Variants in ATP7A observed in about 807,000 individuals in gnomAD.
ATP7A encodes the protein ATPase copper transporting alpha.
A neutral mutation model predicts 83.5 loss-of-function variants in ATP7A; 7 were observed. That is an observed-to-expected ratio of 0.08 (90% CI 0.05 to 0.16). The LOEUF (loss-of-function observed/expected upper bound fraction) is 0.16, where lower values mean the gene tolerates loss of function less well. Among genes scored for constraint, ATP7A ranks in the 10% least tolerant of loss-of-function variants. The pLI is 1.00. For missense variants in ATP7A, 940 were observed against 1,120.8 expected, an observed-to-expected ratio of 0.84 and a Z score of 2.30; for synonymous variants, 354 against 395.2, an observed-to-expected ratio of 0.90 and a Z score of 1.24.
chrX:78,006,007 A>G (rs2077773289), intron 6 of ATP7A, among the ~76,000 whole-genome samples: 1 of 112,261 alleles, frequency 8.9e-6, no homozygotes, highest in Non-Finnish European at 1.9e-5. Flanking sequence ...CAGAAAAGCA[A>G]AAACAATACC....
chrX:77,998,836 G>T, intron 5 of ATP7A, 152 bp downstream of exon 5: 1 of 599,894 alleles, frequency 1.7e-6, no homozygotes, highest in Non-Finnish European at 2.7e-6. Context: ...TGTCCTGGAA[G>T]CCTTAGTGTT....
intron 10 of ATP7A, 94 bp downstream of exon 10, chrX:78,013,206 G>A: frequency 1.3e-6 from 1 of 785,750 alleles, no homozygotes; most frequent in Non-Finnish European, 1.9e-6. Flanking sequence ...ATGCTTTTAT[G>A]TAGTTAACCA....
intron 4 of ATP7A, among the ~76,000 whole-genome samples, chrX:77,995,924 T>G (rs1300169894): frequency 9.0e-6 from 1 of 111,250 alleles, no homozygotes; most frequent in African/African-American, 3.3e-5. Flanking sequence ...TTGTATTTTT[T>G]TTAGTAGAGA....
At chrX:77,927,464 T>C (rs1557223719) in intron 1 of ATP7A, among the ~76,000 whole-genome samples, 3 of 111,648 alleles carry the variant, frequency 2.7e-5, no homozygotes. Context: ...TTAATGGAGA[T>C]ATGATAATAT....
At chrX:78,011,297 A>T in intron 8 of ATP7A, 45 bp downstream of exon 8, 1 of 1,156,270 alleles carries the variant, frequency 8.6e-7, no homozygotes, top group Admixed American at 2.2e-5. Flanking sequence ...TTGACTCCTT[A>T]TTACAAATTT....
chrX:78,036,096 A>G (rs1457943509), intron 17 of ATP7A, among the ~76,000 whole-genome samples: 8 of 112,079 alleles, frequency 7.1e-5, no homozygotes, highest in Non-Finnish European at 1.9e-5. Flanking sequence ...GCACTAAAGA[A>G]TCGGCAGTAA....
chrX:77,932,064 C>T (rs1406637188), intron 1 of ATP7A, among the ~76,000 whole-genome samples: 8 of 110,455 alleles, frequency 7.2e-5, no homozygotes, highest in Non-Finnish European at 3.8e-5. Flanking sequence ...ACCTCCCTCC[C>T]GGATGGGGTG....
At chrX:78,002,074 ATT>A (rs111547011) in intron 5 of ATP7A, among the ~76,000 whole-genome samples, 17 of 99,208 alleles carry the variant, frequency 1.7e-4, no homozygotes, top group Non-Finnish European at 1.4e-4. Flanking sequence ...TCCTTTCTCT[ATT>A]TTTTTTTTTT....
chrX:77,925,359 T>C (rs1376833270), intron 1 of ATP7A, among the ~76,000 whole-genome samples: 1 of 111,985 alleles, frequency 8.9e-6, no homozygotes, highest in Non-Finnish European at 1.9e-5. Context: ...TTTACCAACA[T>C]ACACCACGTA....
At position 78,031,594 on chromosome X, in the gene ATP7A, T is replaced by C. The variant is rs782234701; in HGVS notation, c.3294+12T>C. ...AATATTGCAAACAGGTACATTTTTT[T>C]CCTCTTGTTTATTAGTGTAGTCATC... is the stretch of plus-strand genomic sequence containing the variant. On this transcript the variant is annotated intron_variant, in intron 16 of 22. Transcript: ENST00000341514. 2 of 1,201,417 alleles carry C rather than the reference T, an allele frequency of 1.7e-6. No homozygotes were observed. Among genetic ancestry groups the C allele is most frequent in the Non-Finnish European group, 2.3e-6 (2 of 886,028 alleles).
At chrX:77,978,853 A>G (rs1261903756) in intron 2 of ATP7A, among the ~76,000 whole-genome samples, 1 of 111,301 alleles carries the variant, frequency 9.0e-6, no homozygotes, top group Non-Finnish European at 1.9e-5. Flanking sequence ...TTATTTTGAG[A>G]CGGAATCTTG....
At chrX:78,040,431 TA>T (rs782035881) in intron 18 of ATP7A, among the ~76,000 whole-genome samples, 159 bp from the exon 19 acceptor site, 75 of 112,191 alleles carry the variant, frequency 6.7e-4, no homozygotes, top group African/African-American at 2.3e-3. Flanking sequence ...ACAGAGTTTG[TA>T]GTATAAAGTC....
At chrX:77,911,874 G>C (rs1284131600) in intron 1 of ATP7A, among the ~76,000 whole-genome samples, 1 of 112,048 alleles carries the variant, frequency 8.9e-6, no homozygotes, top group Non-Finnish European at 1.9e-5. Context: ...AACCTGGGAG[G>C]CGGATGTTGC....
At position 77,990,975 on chromosome X, in the gene ATP7A, G is replaced by C. The variant is rs186307724; in HGVS notation, c.1336+1017G>C. Among the ~76,000 whole-genome samples the C allele has an allele frequency of 9.9e-4, 111 of 111,898 alleles. No individual in the cohort carries two copies. The Middle Eastern group carries it at 0.014, about 14-fold the overall frequency. On this transcript the variant is annotated intron_variant, in intron 4 of 22. Transcript: ENST00000341514. ...ATTAATGTCAGTGAGAGAGGACTTA[G>C]AGACATACCATTATTAATTTTTAGT... is the stretch of plus-strand genomic sequence containing the variant.
At chrX:78,041,026 A>G (rs1012232855) in intron 19 of ATP7A, among the ~76,000 whole-genome samples, 3 of 111,103 alleles carry the variant, frequency 2.7e-5, no homozygotes, top group African/African-American at 9.8e-5. Context: ...AGTGCTGCCA[A>G]CCTAAGCTGG....
intron 4 of ATP7A, among the ~76,000 whole-genome samples, chrX:77,992,133 C>T (rs2149084477): frequency 1.9e-5 from 2 of 107,575 alleles, no homozygotes; most frequent in South Asian, 8.3e-4. Context: ...GGCATGATCT[C>T]AGCTCACTGC....
At chrX:78,027,326 A>G (rs1404628632) in intron 14 of ATP7A, among the ~76,000 whole-genome samples, 1 of 111,745 alleles carries the variant, frequency 8.9e-6, no homozygotes, top group African/African-American at 3.3e-5. Flanking sequence ...CAACTCGAGA[A>G]CTAAATCAAG....
In ATP7A at chrX:78,012,934, C is replaced by G; in HGVS notation, c.2228C>G (p.Thr743Arg). Residue 743 changes from threonine (T) to arginine (R), a missense_variant, in exon 10 of 23, where the codon ACA (threonine) becomes AGA (arginine). Around this residue, in one of 3 missense-constraint regions of ATP7A, gnomAD observed 204 missense variants for 185.8 expected, o/e 1.10. Coordinates refer to ENST00000341514, the MANE Select transcript of ATP7A (RefSeq NM_000052.7). ...IQAYKALKHK[T>R]ANMDVLIVLA... ...GCTTATAAAGCACTGAAGCATAAGA[C>G]AGCAAATATGGACGTACTGATTGTG... 1 of 1,211,652 alleles carries G rather than the reference C, an allele frequency of 8.3e-7. No homozygotes were observed. The highest frequency in any genetic ancestry group is 1.1e-6 in the Non-Finnish European group (1 of 895,518).
intron 21 of ATP7A, among the ~76,000 whole-genome samples, chrX:78,045,166 T>C (rs1603391562): frequency 8.9e-6 from 1 of 111,861 alleles, no homozygotes; most frequent in Non-Finnish European, 1.9e-5. Flanking sequence ...CTACAGCCAC[T>C]TTGGAGAACA....
Sources: allele counts gnomAD v4.1 joint callset (sites outside exome capture counted in the v4.1 genomes callset), GRCh38; gene constraint gnomAD v4.1.1; regional missense constraint gnomAD v4.1.1; transcripts MANE v1.5; gene names NCBI Gene and HGNC (gene_info 2026-07-23, HGNC 2026-07-21).